Variants in RALGDS observed in about 807,000 individuals in gnomAD.
RALGDS encodes ral guanine nucleotide dissociation stimulator.
In RALGDS, 44 loss-of-function variants were observed where a neutral mutation model predicts 99.8. That is an observed-to-expected ratio of 0.44 (90% CI 0.35 to 0.57). RALGDS has a LOEUF of 0.57. Among genes scored for constraint, RALGDS ranks in the 20% least tolerant of loss-of-function variants. The pLI is 0.01. For synonymous variants in RALGDS, 529 were observed against 505.0 expected (o/e 1.05, Z -0.64); for missense variants, 1,022 against 1,203.1 (o/e 0.85, Z 2.23).
chr9:133,138,192 C>T (rs979993064), intron 1 of RALGDS, among the ~76,000 whole-genome samples: 7 of 152,210 alleles, frequency 4.6e-5, no homozygotes, highest in African/African-American at 9.6e-5. Context: ...GGCTGGTGCC[C>T]GCTGCCCTCT....
chr9:133,123,753 G>GAC (rs55647116), upstream of RALGDS, among the ~76,000 whole-genome samples: 33 of 58,716 alleles, frequency 5.6e-4, 1 homozygote, highest in South Asian at 7.9e-4. Flanking sequence ...CAGAGACACA[G>GAC]ACACACACAC....
chr9:133,139,753 C>T (rs968214358), intron 1 of RALGDS, among the ~76,000 whole-genome samples: 3 of 152,238 alleles, frequency 2.0e-5, no homozygotes, highest in Non-Finnish European at 4.4e-5. Flanking sequence ...GCTGGTGGGC[C>T]ATCGGCCATC....
intron 1 of RALGDS, among the ~76,000 whole-genome samples, chr9:133,126,632 G>A (rs1359469111): frequency 6.6e-6 from 1 of 152,172 alleles, no homozygotes; most frequent in Non-Finnish European, 1.5e-5. Flanking sequence ...ACACCCTGGG[G>A]AGTCACTGCC....
intron 1 of RALGDS, among the ~76,000 whole-genome samples, chr9:133,140,997 G>A (rs1832512246): frequency 6.6e-6 from 1 of 152,162 alleles, no homozygotes. Flanking sequence ...CGACCCCCAA[G>A]TGAACATACG....
At chr9:133,129,081 C>T (rs1379369725) in intron 1 of RALGDS, 21 of 1,488,902 alleles carry the variant, frequency 1.4e-5, no homozygotes, top group Middle Eastern at 2.0e-4. Flanking sequence ...GCCTGGGGCT[C>T]GGCGGTGACC....
intron 1 of RALGDS, among the ~76,000 whole-genome samples, chr9:133,127,069 C>T (rs1022773797): frequency 2.6e-5 from 4 of 152,238 alleles, no homozygotes; most frequent in South Asian, 4.1e-4. Flanking sequence ...TTCTTCATGC[C>T]GCCCCTTCTG....
exon 1 of RALGDS, chr9:133,149,064 AGGGGTGCG>A: frequency 1.8e-6 from 2 of 1,129,230 alleles, no homozygotes; most frequent in Non-Finnish European, 2.2e-6. Context: ...CGCGCGGCGC[AGGGGTGCG>A]CCCGGCTGCG....
chr9:133,131,084 C>T, exon 1 of RALGDS: 1 of 1,485,814 alleles, frequency 6.7e-7, no homozygotes, highest in Non-Finnish European at 8.9e-7. Flanking sequence ...ACAGGCACAT[C>T]AGGCCCTGGG....
Position 133,102,856 on chromosome 9 carries a change from G to C in RALGDS, c.1836C>G (p.Cys612Trp). ...CATCTGGCGCGATGCTGTAGTTGTT[G>C]CAGGCCGACTGCAGCAGCTTGATCT... ...IAQIKLLQSA[C>W]NNYSIAPDEQ... Residue 612 changes from cysteine to tryptophan, a missense_variant, in exon 13 of 18, where the codon TGC becomes TGG. Physicochemically the swap from Cys to Trp is radical, Grantham distance 215. Transcript: ENST00000372050. The C allele has an allele frequency of 6.2e-7, 1 of 1,613,670 alleles. No homozygotes were observed. The highest frequency in any genetic ancestry group is 1.1e-5 in the South Asian group (1 of 90,962).
chr9:133,103,979 C>T (rs1564230132), intron 10 of RALGDS, 146 bp from the exon 11 acceptor site: 1 of 869,196 alleles, frequency 1.2e-6, no homozygotes. Context: ...CAGACTCCCT[C>T]TAGCCATCTC....
At chr9:133,128,780 C>G (rs1832240730) in intron 1 of RALGDS, among the ~76,000 whole-genome samples, 1 of 152,190 alleles carries the variant, frequency 6.6e-6, no homozygotes, top group African/African-American at 2.4e-5. Context: ...CACCAGCTCT[C>G]AGGCTTCTCA....
chr9:133,143,219 C>T (rs893994354), intron 1 of RALGDS, among the ~76,000 whole-genome samples: 1 of 152,222 alleles, frequency 6.6e-6, no homozygotes, highest in African/African-American at 2.4e-5. Context: ...TCCCCAGGCT[C>T]GCAGCCCATG....
In RALGDS at chr9:133,103,714, G is replaced by A. The variant is rs201117518; in HGVS notation, c.1758+33C>T. 653 of 1,605,478 alleles carry A rather than the reference G, an allele frequency of 4.1e-4. 2 individuals are homozygous for A. The highest frequency in any genetic ancestry group is 1.8e-3 in the Middle Eastern group (11 of 6,040). On this transcript the variant is annotated intron_variant, in intron 11 of 17. Coordinates refer to ENST00000372050, the MANE Select transcript of RALGDS (RefSeq NM_006266.4). Reference sequence around the variant, plus strand: ...GGGCTCAGGGAAGGTCTCTCCTCCCGGGCCCTACTCCAGCCCCGCCCGGCA... The same window carrying A: ...GGGCTCAGGGAAGGTCTCTCCTCCCAGGCCCTACTCCAGCCCCGCCCGGCA...
chr9:133,110,539 T>C (rs1831291909), intron 2 of RALGDS, 50 bp from the exon 3 acceptor site: 2 of 1,519,286 alleles, frequency 1.3e-6, no homozygotes, highest in Non-Finnish European at 1.8e-6. Flanking sequence ...CACACGAATC[T>C]CCTGGAGCTC....
At chr9:133,131,508 T>A (rs1272578336), upstream of RALGDS, among the ~76,000 whole-genome samples, 1 of 152,022 alleles carries the variant, frequency 6.6e-6, no homozygotes, top group African/African-American at 2.4e-5. Flanking sequence ...GGGAACCATG[T>A]TCTTCCCCCT....
rs1564256327 is a variant in RALGDS at position 133,143,816 on chromosome 9, TAATAA to T, written c.18+5142_18+5146del. On this transcript the variant is annotated intron_variant, in intron 1 of 17. Transcript: ENST00000393160. ...ATAATAATAATAATAATAATAATAA[TAATAA>T]AATAAAGGAATGGCTTCCACTCATT... Among the ~76,000 whole-genome samples, 885 of 118,918 alleles carry T rather than the reference TAATAA, an allele frequency of 7.4e-3. 11 individuals are homozygous for T. The highest frequency in any genetic ancestry group is 0.029 in the African/African-American group (835 of 28,634). The allele number at this position is 118,918 out of a possible 152,430, so 78.0% of individuals were successfully genotyped here.
chr9:133,109,787 A>T (rs1270231325), intron 3 of RALGDS, 66 bp from the exon 4 acceptor site: 2 of 1,129,090 alleles, frequency 1.8e-6, no homozygotes, highest in Non-Finnish European at 2.5e-6. Context: ...GAGGGCAGGG[A>T]TTTTTTTTTT....
intron 1 of RALGDS, among the ~76,000 whole-genome samples, chr9:133,112,388 T>C (rs1415957306): frequency 2.6e-5 from 4 of 152,022 alleles, no homozygotes; most frequent in Non-Finnish European, 4.4e-5. Flanking sequence ...CCACCAGGCT[T>C]CCAATCCCCT....
chr9:133,147,785 C>T (rs1435671466), intron 1 of RALGDS, among the ~76,000 whole-genome samples: 3 of 152,222 alleles, frequency 2.0e-5, no homozygotes, highest in African/African-American at 7.2e-5. Flanking sequence ...TAGCAGCTCT[C>T]CTGAGTCCCA....
Sources: gnomAD v4.1 joint callset for allele counts (sites outside exome capture counted in the v4.1 genomes callset) on GRCh38, gnomAD v4.1.1 for gene constraint, MANE v1.5 for transcripts, NCBI Gene and HGNC (gene_info 2026-07-23, HGNC 2026-07-21) for gene names.